MSI2: variants seen among roughly 807,000 people sequenced by gnomAD.
MSI2 encodes the protein musashi RNA binding protein 2.
In MSI2, 17 loss-of-function variants were observed where a neutral mutation model predicts 45.6. The observed-to-expected ratio is 0.37, with a 90% CI of 0.26 to 0.56. The LOEUF (loss-of-function observed/expected upper bound fraction) is 0.56. MSI2 is among the 20% of genes least tolerant of loss of function. The pLI, the probability that MSI2 is intolerant of heterozygous loss-of-function variation, is 0.77. For synonymous variants in MSI2, 156 were observed against 158.2 expected, an observed-to-expected ratio of 0.99 and a Z score of 0.11; for missense variants, 293 against 444.2, an observed-to-expected ratio of 0.66 and a Z score of 3.06.
chr17:57,370,628 T>A (rs1288190254), intron 5 of MSI2, among the ~76,000 whole-genome samples: 1 of 152,186 alleles, frequency 6.6e-6, no homozygotes, highest in Non-Finnish European at 1.5e-5. Flanking sequence ...TAAGTTGAGA[T>A]TCTGCTACGC....
intron 5 of MSI2, among the ~76,000 whole-genome samples, chr17:57,361,130 A>C (rs1383321986): frequency 6.6e-6 from 1 of 152,204 alleles, no homozygotes; most frequent in African/African-American, 2.4e-5. Context: ...CTCAAGGGTT[A>C]CGGCCCCCCT....
intron 7 of MSI2, among the ~76,000 whole-genome samples, chr17:57,543,962 A>G (rs899707325): frequency 1.3e-5 from 2 of 152,220 alleles, no homozygotes; most frequent in East Asian, 1.9e-4. Flanking sequence ...GGTAGGCCCC[A>G]GAGAGATTGG....
chr17:57,677,070 C>T lies in MSI2; in HGVS notation c.*31+11C>T. ...CCATCTCACTCTGAGGTATTACCGT[C>T]TCTGCCATGTGTCTCTGCCCTGCCG... On this transcript the variant is annotated intron_variant, in intron 13 of 13. Coordinates refer to ENST00000284073, the MANE Select transcript of MSI2 (RefSeq NM_138962.4). 6.2e-7 allele frequency: 1 copy of T among 1,600,140 alleles called. No individual in the cohort carries two copies. The highest frequency in any genetic ancestry group is 8.6e-7 in the Non-Finnish European group (1 of 1,167,180).
At chr17:57,363,682 T>G (rs1916985043) in intron 5 of MSI2, among the ~76,000 whole-genome samples, 1 of 152,148 alleles carries the variant, frequency 6.6e-6, no homozygotes, top group South Asian at 2.1e-4. Context: ...GGGGTTGTAG[T>G]GAGCCGAATT....
At chr17:57,351,531 C>G (rs1461549629) in intron 5 of MSI2, among the ~76,000 whole-genome samples, 2 of 152,184 alleles carry the variant, frequency 1.3e-5, no homozygotes, top group Non-Finnish European at 2.9e-5. Context: ...TTCTGGAGCC[C>G]CCACCTACTT....
At chr17:57,259,805 C>T (rs1228091972) in intron 4 of MSI2, among the ~76,000 whole-genome samples, 1 of 152,194 alleles carries the variant, frequency 6.6e-6, no homozygotes, top group Non-Finnish European at 1.5e-5. Flanking sequence ...TCATCCACCC[C>T]CTCTTGCTAC....
chr17:57,433,009 C>T (rs909752045), intron 6 of MSI2, among the ~76,000 whole-genome samples: 1 of 152,200 alleles, frequency 6.6e-6, no homozygotes, highest in African/African-American at 2.4e-5. Flanking sequence ...TGGCTCCCTA[C>T]TTCCTGCCAC....
intron 6 of MSI2, chr17:57,450,285 A>AAGAAAGAAAGAAAGAG (rs2084983448): frequency 2.0e-5 from 1 of 49,516 alleles, no homozygotes; most frequent in African/African-American, 4.1e-5. Context: ...GAAAGAAAGA[A>AAGAAAGAAAGAAAGAG]AGAAAGAAAG....
At chr17:57,288,978 G>A (rs1910156338) in intron 5 of MSI2, among the ~76,000 whole-genome samples, 1 of 152,218 alleles carries the variant, frequency 6.6e-6, no homozygotes, top group Non-Finnish European at 1.5e-5. Context: ...GGGGGACACA[G>A]TCACCCTTAG....
chr17:57,367,777 C>T lies in MSI2; in HGVS notation c.313-33602C>T, dbSNP rs577370166. Among the ~76,000 whole-genome samples, 184 of 152,202 alleles carry T rather than the reference C, an allele frequency of 1.2e-3. 1 individual carries two copies. Among genetic ancestry groups the T allele is most frequent in the African/African-American group, 4.4e-3 (181 of 41,528 alleles). ...GCTTATCTGCAGAGATGCTTCACTC[C>T]GGGAGAGAGGGTTGGAGTTGCCATT... is the stretch of plus-strand genomic sequence containing the variant. On this transcript the variant is annotated intron_variant, in intron 5 of 13. Transcript: ENST00000284073.
chr17:57,287,643 C>T (rs140999880), intron 5 of MSI2, among the ~76,000 whole-genome samples: 4 of 152,274 alleles, frequency 2.6e-5, no homozygotes, highest in Non-Finnish European at 4.4e-5. Flanking sequence ...CTCTGCCTTT[C>T]GGCTCCTACG....
intron 10 of MSI2, chr17:57,633,068 C>A: frequency 9.6e-7 from 1 of 1,037,154 alleles, no homozygotes; most frequent in Non-Finnish European, 1.2e-6. Context: ...AACGTTTTAG[C>A]CATTGTGAAT....
chr17:57,319,644 A>C (rs1209907811), intron 5 of MSI2, among the ~76,000 whole-genome samples: 1 of 151,618 alleles, frequency 6.6e-6, no homozygotes, highest in Non-Finnish European at 1.5e-5. Flanking sequence ...ACAGGGTCTC[A>C]CTCTGTTGCC....
At chr17:57,530,422 C>G (rs1210087898) in intron 7 of MSI2, among the ~76,000 whole-genome samples, 1 of 152,146 alleles carries the variant, frequency 6.6e-6, no homozygotes, top group Non-Finnish European at 1.5e-5. Context: ...CTCTTCCTTC[C>G]CCAAAAAGAA....
intron 11 of MSI2, among the ~76,000 whole-genome samples, chr17:57,664,805 G>A (rs1227315304): frequency 6.6e-6 from 1 of 152,210 alleles, no homozygotes. Flanking sequence ...CTGTCAATGA[G>A]CAAATCAACC....
chr17:57,505,920 G>A (rs1424795872), intron 6 of MSI2, among the ~76,000 whole-genome samples: 2 of 152,196 alleles, frequency 1.3e-5, no homozygotes, highest in African/African-American at 4.8e-5. Flanking sequence ...TTATTCTGTA[G>A]CTGAGACTTC....
chr17:57,406,026 C>T (rs2143140165), intron 6 of MSI2, among the ~76,000 whole-genome samples: 1 of 152,292 alleles, frequency 6.6e-6, no homozygotes, highest in African/African-American at 2.4e-5. Flanking sequence ...TTTTATAAAG[C>T]CCCACCTCCC....
intron 5 of MSI2, among the ~76,000 whole-genome samples, chr17:57,357,915 C>T (rs1916549523): frequency 6.6e-6 from 1 of 152,112 alleles, no homozygotes; most frequent in Non-Finnish European, 1.5e-5. Flanking sequence ...ACCTTAGTGA[C>T]TTGATCATCC....
At chr17:57,385,483 C>G (rs533665382) in intron 5 of MSI2, among the ~76,000 whole-genome samples, 14 of 152,252 alleles carry the variant, frequency 9.2e-5, no homozygotes, top group Non-Finnish European at 1.3e-4. Flanking sequence ...GAAACCCCAT[C>G]TACTAAAAAT....
Sources: gnomAD v4.1 joint callset for allele counts (sites outside exome capture counted in the v4.1 genomes callset) on GRCh38, gnomAD v4.1.1 for gene constraint, MANE v1.5 for transcripts, NCBI Gene and HGNC (gene_info 2026-07-23, HGNC 2026-07-21) for gene names.